Variants in RPA2 observed in about 807,000 individuals in gnomAD.
The protein encoded by RPA2 is replication protein A 32 kDa subunit.
Under a neutral mutation model 33.4 loss-of-function variants are expected in RPA2, and 22 were observed. The observed-to-expected ratio is 0.66, with a 90% CI of 0.47 to 0.94. The LOEUF (loss-of-function observed/expected upper bound fraction) is 0.94. RPA2 is among the 40% of genes least tolerant of loss of function. The probability of loss-of-function intolerance (pLI) is 0.00; values close to 1 mark genes in which losing one functional copy is unlikely to be tolerated. For missense variants in RPA2, 279 were observed against 329.9 expected (o/e 0.85, Z 1.19); for synonymous variants, 109 against 114.9 (o/e 0.95, Z 0.33).
At chr1:27,913,646 G>A (rs1442916696) in intron 2 of RPA2, among the ~76,000 whole-genome samples, 1 of 151,944 alleles carries the variant, frequency 6.6e-6, no homozygotes, top group Non-Finnish European at 1.5e-5. Context: ...GCCAGGAGCA[G>A]TGGCTCACAC....
At chr1:27,896,696 G>A (rs182022184) in intron 6 of RPA2, among the ~76,000 whole-genome samples, 6 of 152,260 alleles carry the variant, frequency 3.9e-5, no homozygotes, top group African/African-American at 1.2e-4. Flanking sequence ...AGTATGCACT[G>A]ACAATCCTGG....
In RPA2 at chr1:27,899,513, G is replaced by GAAAAAAAAAAAAAAAAAAAAAAAAAAA. The variant is rs67126026; in HGVS notation, c.334-1807_334-1806insTTTTTTTTTTTTTTTTTTTTTTTTTTT. Among the ~76,000 whole-genome samples, 2 of 107,556 alleles carry GAAAAAAAAAAAAAAAAAAAAAAAAAAA rather than the reference G, an allele frequency of 1.9e-5. 1 individual carries two copies. Among genetic ancestry groups the GAAAAAAAAAAAAAAAAAAAAAAAAAAA allele is most frequent in the Non-Finnish European group, 3.7e-5 (2 of 54,234 alleles). The allele number at this position is 107,556 out of a possible 152,430, so 70.6% of individuals were successfully genotyped here. A position where few individuals can be genotyped will look rare whatever the true frequency, so the allele number is the denominator to read the frequency against. ...CAGGACTCTATCTCAAAAAAAAAAA[G>GAAAAAAAAAAAAAAAAAAAAAAAAAAA]AAAAAAAAAAAAAAAAAACCACACA... On this transcript the variant is annotated intron_variant, in intron 4 of 8. Coordinates refer to ENST00000373912, the MANE Select transcript of RPA2 (RefSeq NM_002946.5).
In RPA2 at chr1:27,897,004, C is replaced by T. The variant is rs1404909369; in HGVS notation, c.525+1G>A. ...AAAGCTAGGAAAGCGAGACTACTCA[C>T]CTGGCTGTTGGCTTTGCTTAGTACC... On this transcript the variant is annotated splice_donor_variant, in intron 6 of 8. Transcript: ENST00000373912. LOFTEE classifies it high-confidence loss of function. 3.1e-6 allele frequency: 5 copies of T among 1,601,868 alleles called. No individual in the cohort carries two copies. Among genetic ancestry groups the T allele is most frequent in the African/African-American group, 1.3e-5 (1 of 74,570 alleles).
At position 27,892,221 on chromosome 1, in the gene RPA2, T is replaced by G; in HGVS notation, c.755A>C (p.Glu252Ala). 6.2e-7 allele frequency: 1 copy of G among 1,613,066 alleles called. No homozygotes were observed. Among genetic ancestry groups the G allele is most frequent in the Non-Finnish European group, 8.5e-7 (1 of 1,179,478 alleles). The change falls in exon 9 of 9, where the codon GAG (glutamate) becomes GCG (alanine). Residue 252 changes from glutamate to alanine, a missense_variant. Glu to Ala is a moderately radical substitution (Grantham distance 107). Coordinates refer to ENST00000373912, the MANE Select transcript of RPA2 (RefSeq NM_002946.5). ...ATCCACAGTAGAATAGATGTGCCCC[T>G]CATTGCTCAGAAAATCCACAGCTTG... Reference protein sequence around the residue: ...IKQAVDFLSNEGHIYSTVDDD... With the variant: ...IKQAVDFLSNAGHIYSTVDDD...
intron 2 of RPA2, among the ~76,000 whole-genome samples, chr1:27,913,021 T>C: frequency 6.6e-6 from 1 of 152,114 alleles, no homozygotes; most frequent in East Asian, 1.9e-4. Context: ...GGCATCATCT[T>C]GGCTCACTGC....
chr1:27,897,368 A>C (rs2089906242), intron 5 of RPA2, among the ~76,000 whole-genome samples: 1 of 152,134 alleles, frequency 6.6e-6, no homozygotes, highest in Non-Finnish European at 1.5e-5. Context: ...CCTGACTCCG[A>C]ATCTAGTGTT....
At chr1:27,912,093 C>CA (rs34358254) in intron 2 of RPA2, among the ~76,000 whole-genome samples, 262 of 144,062 alleles carry the variant, frequency 1.8e-3, no homozygotes, top group East Asian at 0.014. Flanking sequence ...GACTCTGTCT[C>CA]AAAAAAAAAA....
intron 7 of RPA2, 90 bp from the exon 8 acceptor site, chr1:27,894,196 C>A (rs2148651131): frequency 6.7e-7 from 1 of 1,494,552 alleles, no homozygotes; most frequent in African/African-American, 1.4e-5. Context: ...AAGAAATGAA[C>A]CAGGTACTTA....
chr1:27,893,498 C>T (rs957786684), intron 8 of RPA2, among the ~76,000 whole-genome samples: 2 of 152,020 alleles, frequency 1.3e-5, no homozygotes, highest in Admixed American at 1.3e-4. Flanking sequence ...TTTGTAGAGA[C>T]AAGCGTTTCG....
chr1:27,907,571 A>T (rs28988920), intron 2 of RPA2, among the ~76,000 whole-genome samples: 9,374 of 152,300 alleles, frequency 0.062, 416 homozygotes, highest in Non-Finnish European at 0.099. Flanking sequence ...CAGGATAAGG[A>T]AGAATGACCT....
At chr1:27,914,788 C>A, upstream of RPA2, 3 of 1,001,234 alleles carry the variant, frequency 3.0e-6, no homozygotes, top group Non-Finnish European at 4.5e-6. Flanking sequence ...AGAAATCAAC[C>A]AATCAGAACA....
chr1:27,911,131 G>A (rs555705691), intron 2 of RPA2, among the ~76,000 whole-genome samples: 2 of 152,092 alleles, frequency 1.3e-5, no homozygotes, highest in East Asian at 1.9e-4. Flanking sequence ...CAGGAGAATC[G>A]CTTGAACCCA....
Position 27,894,409 on chromosome 1 carries a change from A to C in RPA2, c.526-12T>G. On this transcript the variant is annotated splice_polypyrimidine_tract_variant and intron_variant, in intron 6 of 8. Transcript: ENST00000373912. ...CTCCCTGCTGAGGGCTGAATTAAGA[A>C]ATAAGTTAGCAATATTAGAAAATCC... 6.2e-7 allele frequency: 1 copy of C among 1,601,966 alleles called. No homozygotes were observed. The highest frequency in any genetic ancestry group is 1.1e-5 in the South Asian group (1 of 90,128).
At chr1:27,900,404 A>G (rs980703799) in intron 4 of RPA2, among the ~76,000 whole-genome samples, 12 of 151,484 alleles carry the variant, frequency 7.9e-5, no homozygotes, top group Middle Eastern at 3.4e-3. Flanking sequence ...GAGCCACCGC[A>G]CCTGGCCAAC....
At chr1:27,895,237 C>T (rs2089874743) in intron 6 of RPA2, among the ~76,000 whole-genome samples, 2 of 152,184 alleles carry the variant, frequency 1.3e-5, no homozygotes, top group African/African-American at 4.8e-5. Flanking sequence ...CGGATGCCAA[C>T]ATGGTGAAAC....
At chr1:27,899,711 CG>C (rs1180310622) in intron 4 of RPA2, among the ~76,000 whole-genome samples, 1 of 151,726 alleles carries the variant, frequency 6.6e-6, no homozygotes, top group Admixed American at 6.6e-5. Context: ...GACAGAGTCT[CG>C]CTCTGTCGCC....
intron 4 of RPA2, among the ~76,000 whole-genome samples, chr1:27,898,012 A>G (rs2089914706): frequency 6.6e-6 from 1 of 151,998 alleles, no homozygotes; most frequent in South Asian, 2.1e-4. Flanking sequence ...TTTTTTTGAG[A>G]GGGAGTCTCG....
At chr1:27,898,170 A>G (rs960224745) in intron 4 of RPA2, among the ~76,000 whole-genome samples, 8 of 151,948 alleles carry the variant, frequency 5.3e-5, no homozygotes, top group Non-Finnish European at 1.2e-4. Context: ...CAGGCACACA[A>G]TTTTCTGGTG....
At chr1:27,913,026 C>T (rs1371996560) in intron 2 of RPA2, among the ~76,000 whole-genome samples, 1 of 152,104 alleles carries the variant, frequency 6.6e-6, no homozygotes, top group Non-Finnish European at 1.5e-5. Context: ...CATCTTGGCT[C>T]ACTGCAATCT....
Sources: allele counts gnomAD v4.1 joint callset (sites outside exome capture counted in the v4.1 genomes callset), GRCh38; gene constraint gnomAD v4.1.1; transcripts MANE v1.5; gene names NCBI Gene and HGNC (gene_info 2026-07-23, HGNC 2026-07-21).